The following PTPRD variants were observed in gnomAD, a reference collection of about 807,000 sequenced individuals.
PTPRD encodes the protein receptor-type tyrosine-protein phosphatase delta.
PTPRD carries 34 observed loss-of-function variants against 214.5 expected under a neutral mutation model. That is an observed-to-expected ratio of 0.16 (90% confidence interval 0.12 to 0.21). The LOEUF (loss-of-function observed/expected upper bound fraction) is 0.21. Among genes scored for constraint, PTPRD ranks in the 10% least tolerant of loss-of-function variants. The pLI is 1.00. For missense variants in PTPRD, 2,545 were observed against 2,398.7 expected, an observed-to-expected ratio of 1.06 and a Z score of -1.27; for synonymous variants, 1,128 against 845.7, an observed-to-expected ratio of 1.33 and a Z score of -5.79.
chr9:9,408,593 T>A (rs1025347128), intron 8 of PTPRD, among the ~76,000 whole-genome samples: 1 of 151,846 alleles, frequency 6.6e-6, no homozygotes, highest in Non-Finnish European at 1.5e-5. Context: ...TCTTAGTAAA[T>A]GCTGTGATAA....
chr9:8,946,037 G>A (rs2099061963), intron 11 of PTPRD, among the ~76,000 whole-genome samples: 1 of 152,150 alleles, frequency 6.6e-6, no homozygotes, highest in Non-Finnish European at 1.5e-5. Context: ...AAGAGCATGA[G>A]ATATTGATTT....
intron 10 of PTPRD, among the ~76,000 whole-genome samples, chr9:9,092,444 GA>G (rs1261414078): frequency 6.6e-6 from 1 of 152,012 alleles, no homozygotes; most frequent in East Asian, 1.9e-4. Flanking sequence ...ACAGATTGAG[GA>G]ACAGCTACTA....
chr9:9,559,720 G>A (rs2082412003), intron 8 of PTPRD, among the ~76,000 whole-genome samples: 1 of 152,150 alleles, frequency 6.6e-6, no homozygotes, highest in South Asian at 2.1e-4. Flanking sequence ...ACTGTTCCTG[G>A]CTCTCTGGAC....
chr9:9,608,377 A>T (rs1487353634), intron 7 of PTPRD, among the ~76,000 whole-genome samples: 5 of 152,162 alleles, frequency 3.3e-5, no homozygotes, highest in Non-Finnish European at 7.4e-5. Context: ...ACCTTTTAAT[A>T]CTGTACTAAA....
At chr9:10,463,199 A>T (rs1288145594) in intron 2 of PTPRD, among the ~76,000 whole-genome samples, 1 of 152,066 alleles carries the variant, frequency 6.6e-6, no homozygotes, top group African/African-American at 2.4e-5. Flanking sequence ...ATATACGATA[A>T]TTATAACTTG....
At chr9:8,769,983 T>C (rs2095073238) in intron 11 of PTPRD, among the ~76,000 whole-genome samples, 1 of 152,008 alleles carries the variant, frequency 6.6e-6, no homozygotes, top group South Asian at 2.1e-4. Context: ...GTGAAAACTG[T>C]CTGATTGAAA....
chr9:10,161,554 A>G (rs1207038187), intron 3 of PTPRD, among the ~76,000 whole-genome samples: 1 of 151,750 alleles, frequency 6.6e-6, no homozygotes, highest in Non-Finnish European at 1.5e-5. Context: ...AATCAAAATG[A>G]TTTGCAAATC....
At chr9:8,949,079 C>G (rs778968941) in intron 11 of PTPRD, among the ~76,000 whole-genome samples, 5 of 151,756 alleles carry the variant, frequency 3.3e-5, no homozygotes, top group Non-Finnish European at 7.4e-5. Context: ...CAAAAATTAG[C>G]TGGGTGTAGT....
intron 3 of PTPRD, among the ~76,000 whole-genome samples, chr9:10,131,403 T>C (rs1017924117): frequency 6.6e-6 from 1 of 152,174 alleles, no homozygotes; most frequent in African/African-American, 2.4e-5. Context: ...CCATTCCACA[T>C]AAAGCCTGTA....
intron 12 of PTPRD, among the ~76,000 whole-genome samples, chr9:8,676,491 T>G (rs1270229198): frequency 6.6e-6 from 1 of 150,464 alleles, no homozygotes. Context: ...CAAGCAATTC[T>G]CATGCCCCAG....
At chr9:10,248,211 G>C (rs559331039) in intron 3 of PTPRD, among the ~76,000 whole-genome samples, 2 of 152,192 alleles carry the variant, frequency 1.3e-5, no homozygotes, top group East Asian at 3.9e-4. Flanking sequence ...ACAGAGTGGA[G>C]GCAAGCAGTA....
intron 10 of PTPRD, among the ~76,000 whole-genome samples, chr9:9,100,779 A>G (rs1167464181): frequency 6.6e-6 from 1 of 152,150 alleles, no homozygotes; most frequent in Admixed American, 6.5e-5. Context: ...ATTAGAATCT[A>G]GATATAAAAA....
intron 12 of PTPRD, among the ~76,000 whole-genome samples, chr9:8,638,342 T>C (rs1460341406): frequency 6.6e-6 from 1 of 152,166 alleles, no homozygotes; most frequent in Non-Finnish European, 1.5e-5. Flanking sequence ...TCCCATTAAC[T>C]TGATGGTGTG....
chr9:10,379,763 T>C (rs2097786435), intron 2 of PTPRD, among the ~76,000 whole-genome samples: 1 of 152,070 alleles, frequency 6.6e-6, no homozygotes, highest in Admixed American at 6.6e-5. Flanking sequence ...ATCAAAAATA[T>C]TAGAGAAACA....
At chr9:9,038,793 G>A (rs1361818809) in intron 10 of PTPRD, among the ~76,000 whole-genome samples, 2 of 152,068 alleles carry the variant, frequency 1.3e-5, no homozygotes, top group East Asian at 3.9e-4. Context: ...CTGACCTCAA[G>A]TGATCAGTCC....
intron 3 of PTPRD, among the ~76,000 whole-genome samples, chr9:10,328,281 G>GT (rs2096682385): frequency 1.3e-5 from 2 of 151,520 alleles, no homozygotes; most frequent in Admixed American, 1.3e-4. Flanking sequence ...CACATATTAA[G>GT]TTTTTTATTT....
intron 9 of PTPRD, among the ~76,000 whole-genome samples, chr9:9,363,713 A>C (rs2056997914): frequency 6.6e-6 from 1 of 151,184 alleles, no homozygotes; most frequent in African/African-American, 2.4e-5. Context: ...ACAGGTGACC[A>C]CTCTAGATTC....
intron 7 of PTPRD, among the ~76,000 whole-genome samples, chr9:9,674,569 C>T (rs933161891): frequency 2.6e-5 from 4 of 151,584 alleles, no homozygotes; most frequent in African/African-American, 9.7e-5. Context: ...AAGACACGTT[C>T]ATATACTATA....
At chr9:9,323,126 A>G (rs1967458066) in intron 9 of PTPRD, among the ~76,000 whole-genome samples, 1 of 152,132 alleles carries the variant, frequency 6.6e-6, no homozygotes, top group South Asian at 2.1e-4. Flanking sequence ...AGAATGATGT[A>G]TTTGTGAAGG....
Sources: gnomAD v4.1 joint callset for allele counts (sites outside exome capture counted in the v4.1 genomes callset) on GRCh38, gnomAD v4.1.1 for gene constraint, MANE v1.5 for transcripts, NCBI Gene and HGNC (gene_info 2026-07-23, HGNC 2026-07-21) for gene names.